The following PAX3 variants were observed in gnomAD, a reference collection of about 807,000 sequenced individuals.
The protein encoded by PAX3 is paired box protein Pax-3.
PAX3 carries 14 observed loss-of-function variants against 51.6 expected under a neutral mutation model. The observed-to-expected ratio is 0.27, with a 90% CI of 0.18 to 0.42. The LOEUF (loss-of-function observed/expected upper bound fraction) is 0.42. Ranked by LOEUF, PAX3 falls within the 10% of genes least tolerant of loss-of-function variation. The pLI is 1.00. For synonymous variants in PAX3, 280 were observed against 253.4 expected (o/e 1.11, Z -1.00); for missense variants, 540 against 642.8 (o/e 0.84, Z 1.73).
At chr2:222,270,134 A>G (rs1227515098) in intron 4 of PAX3, among the ~76,000 whole-genome samples, 2 of 152,254 alleles carry the variant, frequency 1.3e-5, no homozygotes, top group Non-Finnish European at 2.9e-5. Flanking sequence ...AGCTCAAATC[A>G]TAAATGATTA....
chr2:222,294,237 C>T lies in PAX3; in HGVS notation c.516G>A (p.Leu172=). 6.2e-7 allele frequency: 1 copy of T among 1,614,254 alleles called. No individual in the cohort carries two copies. Among genetic ancestry groups the T allele is most frequent in the East Asian group, 2.2e-5 (1 of 44,884 alleles). Residue 172 remains leucine, a synonymous_variant, in exon 4 of 9, where the codon TTG becomes TTA. Coordinates refer to ENST00000392070, the MANE Select transcript of PAX3 (RefSeq NM_181458.4). ...FGKGEEEEAD[L]ERKEAEESEK... ...CGCTTTCCTCTGCCTCCTTCCTCTC[C>T]AAGTCGGCCTCCTCCTCTTCACCTT...
intron 5 of PAX3, among the ~76,000 whole-genome samples, chr2:222,229,348 C>T (rs531975582): frequency 3.8e-4 from 57 of 151,798 alleles, no homozygotes; most frequent in African/African-American, 1.3e-3. Context: ...AATATTATGA[C>T]TTAGTTAATA....
intron 5 of PAX3, among the ~76,000 whole-genome samples, chr2:222,230,854 CAAAAAA>C (rs5838938): frequency 7.4e-5 from 8 of 108,724 alleles, no homozygotes; most frequent in African/African-American, 1.1e-4. Flanking sequence ...GACTCCACCT[CAAAAAA>C]AAAAAAAAAA....
chr2:222,298,766 C>T lies in PAX3; in HGVS notation c.-151G>A. The T allele has an allele frequency of 1.4e-6, 1 of 728,278 alleles. No individual in the cohort carries two copies. The highest frequency in any genetic ancestry group is 2.7e-5 in the East Asian group (1 of 37,044). 45.1% of individuals were successfully genotyped at this position (728,278 alleles called of 1,614,324 possible). Reference sequence around the variant, plus strand: ...AGAGGGAGGGACGCGGGGAGGGGGGCTGTCGGTTCCTAGTCCAGAGGCCGG... The same window carrying T: ...AGAGGGAGGGACGCGGGGAGGGGGGTTGTCGGTTCCTAGTCCAGAGGCCGG... On this transcript the variant is annotated 5_prime_UTR_variant, in exon 1 of 9. Coordinates refer to ENST00000392070, the MANE Select transcript of PAX3 (RefSeq NM_181458.4).
At chr2:222,204,387 C>A (rs894428230) in intron 7 of PAX3, among the ~76,000 whole-genome samples, 15 of 152,116 alleles carry the variant, frequency 9.9e-5, no homozygotes, top group Non-Finnish European at 2.2e-4. Flanking sequence ...TTTATTTGAG[C>A]TTATATAGAT....
intron 4 of PAX3, among the ~76,000 whole-genome samples, chr2:222,257,869 G>C (rs1011125536): frequency 6.6e-6 from 1 of 152,264 alleles, no homozygotes. Flanking sequence ...GCATCGTCCC[G>C]GCTCAGGGAG....
chr2:222,227,869 G>A (rs1267299141), intron 5 of PAX3, among the ~76,000 whole-genome samples: 1 of 152,014 alleles, frequency 6.6e-6, no homozygotes, highest in Non-Finnish European at 1.5e-5. Flanking sequence ...ATAAAACACT[G>A]ACAGAGGCTA....
chr2:222,251,751 C>G (rs929509186), intron 4 of PAX3, among the ~76,000 whole-genome samples: 1 of 152,172 alleles, frequency 6.6e-6, no homozygotes, highest in African/African-American at 2.4e-5. Flanking sequence ...TCCTATTTCT[C>G]CACATCCTCT....
At chr2:222,216,291 T>C (rs1029094202) in intron 7 of PAX3, among the ~76,000 whole-genome samples, 4 of 152,320 alleles carry the variant, frequency 2.6e-5, no homozygotes, top group African/African-American at 7.2e-5. Context: ...TAAATGATTG[T>C]GTTGCCTTGG....
intron 4 of PAX3, among the ~76,000 whole-genome samples, chr2:222,271,009 G>A (rs371488082): frequency 6.6e-6 from 1 of 152,170 alleles, no homozygotes; most frequent in African/African-American, 2.4e-5. Flanking sequence ...AGTACAAAAG[G>A]AATCAACAGA....
At chr2:222,295,040 T>G (rs45461201) in intron 3 of PAX3, among the ~76,000 whole-genome samples, 34 of 151,778 alleles carry the variant, frequency 2.2e-4, no homozygotes, top group Admixed American at 3.9e-4. Flanking sequence ...TGCTTGCCCC[T>G]CTTCTCCCTC....
At chr2:222,267,491 T>G (rs969642431) in intron 4 of PAX3, among the ~76,000 whole-genome samples, 1 of 152,216 alleles carries the variant, frequency 6.6e-6, no homozygotes, top group Non-Finnish European at 1.5e-5. Context: ...CAAAAAAATC[T>G]ATTCTTTCTG....
At chr2:222,286,065 G>A (rs1694823594) in intron 4 of PAX3, among the ~76,000 whole-genome samples, 1 of 152,200 alleles carries the variant, frequency 6.6e-6, no homozygotes, top group Admixed American at 6.5e-5. Flanking sequence ...AGTCCCCCAA[G>A]TAGCTGGGGT....
At chr2:222,243,353 G>A (rs913066693) in intron 4 of PAX3, among the ~76,000 whole-genome samples, 1 of 152,202 alleles carries the variant, frequency 6.6e-6, no homozygotes, top group Non-Finnish European at 1.5e-5. Context: ...AGCAAGTGAG[G>A]TTATCTCAAA....
In PAX3 at chr2:222,278,882, C is replaced by T. The variant is rs371304873; in HGVS notation, c.586+15285G>A. The stretch of plus-strand genomic sequence containing the variant: ...GCTCTCAGCGTCCTTTAGAAAAGAG[C>T]AAATACTTTCCATTTAACCAGTTAA... On this transcript the variant is annotated intron_variant, in intron 4 of 8. Coordinates refer to ENST00000392070, the MANE Select transcript of PAX3 (RefSeq NM_181458.4). Among the ~76,000 whole-genome samples the T allele has an allele frequency of 5.9e-5, 9 of 152,324 alleles. No homozygotes were observed. The South Asian group carries it at 1.2e-3, about 21-fold the overall frequency.
chr2:222,207,731 T>TTAAG (rs1047062392), intron 7 of PAX3, among the ~76,000 whole-genome samples: 5 of 152,158 alleles, frequency 3.3e-5, no homozygotes, highest in African/African-American at 1.2e-4. Context: ...GAGCTAAGTG[T>TTAAG]TAAGTTTCAT....
chr2:222,282,289 T>C (rs1301764107), intron 4 of PAX3, among the ~76,000 whole-genome samples: 2 of 152,152 alleles, frequency 1.3e-5, no homozygotes, highest in Non-Finnish European at 2.9e-5. Flanking sequence ...AACGTCTAGC[T>C]TAGGTAGACC....
intron 5 of PAX3, among the ~76,000 whole-genome samples, chr2:222,230,854 CAA>C (rs5838938): frequency 0.14 from 14,861 of 108,488 alleles, 874 homozygotes; most frequent in Admixed American, 0.17. Context: ...GACTCCACCT[CAA>C]AAAAAAAAAA....
chr2:222,238,054 A>T (rs528767643), intron 4 of PAX3, among the ~76,000 whole-genome samples: 1 of 152,326 alleles, frequency 6.6e-6, no homozygotes, highest in South Asian at 2.1e-4. Context: ...TATCCTAATC[A>T]TCTCACATTA....
Sources: gnomAD v4.1 joint callset for allele counts (sites outside exome capture counted in the v4.1 genomes callset) on GRCh38, gnomAD v4.1.1 for gene constraint, MANE v1.5 for transcripts, NCBI Gene and HGNC (gene_info 2026-07-23, HGNC 2026-07-21) for gene names.